Variants in TGM4 observed in about 807,000 individuals in gnomAD.
The protein encoded by TGM4 is protein-glutamine gamma-glutamyltransferase 4.
In TGM4, 61 loss-of-function variants were observed where a neutral mutation model predicts 76.3. The ratio of observed to expected loss-of-function variants is 0.80; its 90% CI spans 0.65 to 0.99. TGM4 has a LOEUF of 0.99. Ranked by LOEUF, TGM4 falls within the 50% of genes least tolerant of loss-of-function variation. The probability of loss-of-function intolerance (pLI) is 0.00; values close to 1 mark genes in which losing one functional copy is unlikely to be tolerated. For synonymous variants in TGM4, 337 were observed against 329.8 expected (o/e 1.02, Z -0.24); for missense variants, 794 against 843.2 (o/e 0.94, Z 0.72).
intron 1 of TGM4, among the ~76,000 whole-genome samples, chr3:44,880,890 TTGG>T (rs1219220488): frequency 6.6e-5 from 10 of 152,228 alleles, no homozygotes; most frequent in Non-Finnish European, 1.5e-5. Flanking sequence ...TATTCTGGAA[TTGG>T]TCAGGACAAA....
At chr3:44,899,659 T>C (rs1699826431) in intron 6 of TGM4, 1 of 152,218 alleles carries the variant, frequency 6.6e-6, no homozygotes, top group Admixed American at 6.5e-5. Context: ...AGTGAGTGCG[T>C]TCATTATCCA....
chr3:44,886,813 C>T (rs957379626), intron 2 of TGM4, among the ~76,000 whole-genome samples: 4 of 152,182 alleles, frequency 2.6e-5, no homozygotes, highest in African/African-American at 9.7e-5. Context: ...AGTAAACAAA[C>T]AAAAGTGCAA....
intron 9 of TGM4, among the ~76,000 whole-genome samples, 198 bp from the exon 10 acceptor site, chr3:44,906,751 A>G (rs1177693608): frequency 6.6e-6 from 1 of 152,108 alleles, no homozygotes; most frequent in Non-Finnish European, 1.5e-5. Flanking sequence ...GATTCCTGAC[A>G]CTCTTCAAGT....
intron 1 of TGM4, among the ~76,000 whole-genome samples, chr3:44,879,265 C>CTCTATATATATATATA (rs1482970491): frequency 1.1e-5 from 1 of 92,294 alleles, no homozygotes; most frequent in African/African-American, 4.4e-5. Flanking sequence ...CTCTCTCTCT[C>CTCTATATATATATATA]TATATATATA....
At chr3:44,882,428 G>A (rs1259597032) in intron 1 of TGM4, among the ~76,000 whole-genome samples, 1 of 152,200 alleles carries the variant, frequency 6.6e-6, no homozygotes, top group African/African-American at 2.4e-5. Context: ...AAATGAGGCT[G>A]CTTAAAACAA....
rs186766985 is a variant in TGM4 at position 44,904,449 on chromosome 3, G to A, written c.1075+462G>A. Among the ~76,000 whole-genome samples, 291 of 152,266 alleles carry A rather than the reference G, an allele frequency of 1.9e-3. 1 individual carries two copies. The highest frequency in any genetic ancestry group is 3.0e-3 in the Admixed American group (46 of 15,290). On this transcript the variant is annotated intron_variant, in intron 9 of 13. Coordinates refer to ENST00000296125, the MANE Select transcript of TGM4 (RefSeq NM_003241.4). ...GGATGCTTATCTCAGCTGGTTATGG[G>A]TTACCAACTTCTGGGTAAGACAGTG...
chr3:44,888,822 G>A (rs1699648030), intron 3 of TGM4: 1 of 151,990 alleles, frequency 6.6e-6, no homozygotes, highest in South Asian at 2.1e-4. Flanking sequence ...CCATTGTAAT[G>A]AACAGTGAGG....
rs146025343 is a variant in TGM4 at position 44,900,976 on chromosome 3, C to T, written c.658-548C>T. On this transcript the variant is annotated intron_variant, in intron 6 of 13. Coordinates refer to ENST00000296125, the MANE Select transcript of TGM4 (RefSeq NM_003241.4). Reference sequence around the variant, plus strand: ...TAAAGGGACCGGGCATAGTGATTCACACCTGTAATCCCAGCACTTTGGGAG... The same window carrying T: ...TAAAGGGACCGGGCATAGTGATTCATACCTGTAATCCCAGCACTTTGGGAG... 3.8e-4 allele frequency: 59 copies of T among 155,794 alleles called. No homozygotes were observed. In the East Asian group the frequency reaches 7.4e-3, roughly 20 times the overall value. The allele number at this position is 155,794 out of a possible 1,614,324, so 9.7% of individuals were successfully genotyped here.
At chr3:44,902,944 C>G (rs1462528142) in intron 8 of TGM4, among the ~76,000 whole-genome samples, 1 of 152,172 alleles carries the variant, frequency 6.6e-6, no homozygotes, top group Admixed American at 6.5e-5. Flanking sequence ...GAAGTTGGAG[C>G]CTTACAGCTT....
chr3:44,899,381 G>C (rs1443942725), intron 6 of TGM4: 1 of 152,258 alleles, frequency 6.6e-6, no homozygotes, highest in Non-Finnish European at 1.5e-5. Context: ...GCAAGCATGG[G>C]CAATTCAGAA....
At chr3:44,891,032 A>G (rs952929953) in intron 4 of TGM4, among the ~76,000 whole-genome samples, 4 of 152,166 alleles carry the variant, frequency 2.6e-5, no homozygotes, top group African/African-American at 9.7e-5. Flanking sequence ...AGGGGCCACC[A>G]AGGACTTCTT....
chr3:44,898,530 C>T (rs527710973), intron 6 of TGM4, among the ~76,000 whole-genome samples: 1 of 152,312 alleles, frequency 6.6e-6, no homozygotes, highest in South Asian at 2.1e-4. Context: ...CCAGGGATCT[C>T]CCAATGCCAG....
rs768042460 is a variant in TGM4 at position 44,910,953 on chromosome 3, G to A, written c.1607-5G>A. 1 of 1,613,472 alleles carries A rather than the reference G, an allele frequency of 6.2e-7. No homozygotes were observed. Among genetic ancestry groups the A allele is most frequent in the Non-Finnish European group, 8.5e-7 (1 of 1,179,478 alleles). On this transcript the variant is annotated splice_region_variant and splice_polypyrimidine_tract_variant and intron_variant, in intron 11 of 13. Coordinates refer to ENST00000296125, the MANE Select transcript of TGM4 (RefSeq NM_003241.4). Reference sequence around the variant, plus strand: ...CCTCTCCCCTCCACCCTGACTCTTTGGCAGTATCAGAAGTGACTCTGACCT... The same window carrying A: ...CCTCTCCCCTCCACCCTGACTCTTTAGCAGTATCAGAAGTGACTCTGACCT...
At chr3:44,889,892 C>T (rs769446764) in intron 3 of TGM4, among the ~76,000 whole-genome samples, 5 of 152,130 alleles carry the variant, frequency 3.3e-5, no homozygotes, top group Non-Finnish European at 7.4e-5. Flanking sequence ...TACTACTCTA[C>T]TACTCTAAAG....
Position 44,887,801 on chromosome 3 carries a change from C to A in TGM4, c.300+6C>A. The A allele has an allele frequency of 6.2e-7, 1 of 1,613,756 alleles. No individual in the cohort carries two copies. Among genetic ancestry groups the A allele is most frequent in the South Asian group, 1.1e-5 (1 of 91,082 alleles). ...AAAATGAGTCTGGCAAAGAGGTGAG[C>A]ACCCACTGGGCTGGCGGGTGGGCTG... is the stretch of plus-strand genomic sequence containing the variant. On this transcript the variant is annotated splice_donor_region_variant and intron_variant, in intron 3 of 13. Coordinates refer to ENST00000296125, the MANE Select transcript of TGM4 (RefSeq NM_003241.4).
chr3:44,886,841 C>A (rs1434582145), intron 2 of TGM4, among the ~76,000 whole-genome samples: 1 of 152,202 alleles, frequency 6.6e-6, no homozygotes, highest in Non-Finnish European at 1.5e-5. Context: ...TCAGACAGGG[C>A]CAGATATGAT....
chr3:44,878,254 G>C (rs1699476040), intron 1 of TGM4, among the ~76,000 whole-genome samples: 1 of 151,174 alleles, frequency 6.6e-6, no homozygotes, highest in Non-Finnish European at 1.5e-5. Context: ...GAGAAAAAGA[G>C]AGAGAGAGAG....
At chr3:44,883,005 C>T (rs558729767) in intron 1 of TGM4, among the ~76,000 whole-genome samples, 4 of 152,336 alleles carry the variant, frequency 2.6e-5, no homozygotes, top group African/African-American at 9.6e-5. Flanking sequence ...ACTGCTCTTT[C>T]CTGCTTCCTG....
Position 44,911,174 on chromosome 3 carries a change from G to T in TGM4, c.1776+47G>T, listed in dbSNP as rs1013995169. ...AAGGGCTCCTTCTGCCTGGAAGTTG[G>T]CCATGGAGTGTGACGGGGCCCCTAA... On this transcript the variant is annotated intron_variant, in intron 12 of 13. Transcript: ENST00000296125. The T allele has an allele frequency of 1.1e-5, 17 of 1,610,560 alleles. No individual in the cohort carries two copies. The Admixed American group carries it at 2.2e-4, about 21-fold the overall frequency.
Sources: gnomAD v4.1 joint callset for allele counts (sites outside exome capture counted in the v4.1 genomes callset) on GRCh38, gnomAD v4.1.1 for gene constraint, MANE v1.5 for transcripts, NCBI Gene and HGNC (gene_info 2026-07-23, HGNC 2026-07-21) for gene names.